Variants in EPN3 observed in about 807,000 individuals in gnomAD.
EPN3 encodes epsin-3.
In EPN3, 56 loss-of-function variants were observed where a neutral mutation model predicts 55.5. The observed-to-expected ratio is 1.01, with a 90% confidence interval of 0.81 to 1.26. EPN3 has a LOEUF of 1.26. Among genes scored for constraint, EPN3 ranks in the 50% most tolerant of loss-of-function variants. The pLI, the probability that EPN3 is intolerant of heterozygous loss-of-function variation, is 0.00. For synonymous variants in EPN3, 449 were observed against 375.2 expected (o/e 1.20, Z -2.27); for missense variants, 927 against 853.4 (o/e 1.09, Z -1.07).
At chr17:50,533,158 C>G (rs2034699816) in intron 1 of EPN3, among the ~76,000 whole-genome samples, 173 bp downstream of exon 1, 2 of 152,066 alleles carry the variant, frequency 1.3e-5, no homozygotes, top group Admixed American at 1.3e-4. Context: ...CTGCCGCCCC[C>G]AAAAAGGGAC....
intron 6 of EPN3, 136 bp downstream of exon 6, chr17:50,540,470 C>T (rs998892814): frequency 3.5e-5 from 27 of 781,580 alleles, no homozygotes; most frequent in African/African-American, 2.4e-4. Flanking sequence ...GAGCCTCCGC[C>T]GCCTGTGGGA....
Position 50,536,935 on chromosome 17 carries a change from G to A in EPN3, c.379G>A (p.Val127Ile). The A allele has an allele frequency of 6.2e-7, 1 of 1,614,154 alleles. No homozygotes were observed. The highest frequency in any genetic ancestry group is 8.5e-7 in the Non-Finnish European group (1 of 1,180,044). ...KDQGVNVREK[V>I]KQVMALLKDE... ...CCAGGGCGTCAACGTGCGCGAGAAG[G>A]TCAAGCAGGTGATGGCCCTGCTCAA... Residue 127 changes from valine to isoleucine, a missense_variant, in exon 2 of 10, where the codon GTC becomes ATC. By Grantham distance (29) the Val-to-Ile change is conservative. Transcript: ENST00000268933.
chr17:50,541,500 A>G lies in EPN3; in HGVS notation c.1391A>G (p.Lys464Arg), dbSNP rs1211788779. 6.2e-7 allele frequency: 1 copy of G among 1,614,146 alleles called. No individual in the cohort carries two copies. The highest frequency in any genetic ancestry group is 2.2e-5 in the East Asian group (1 of 44,868). The change falls in exon 9 of 10, where the codon AAG becomes AGG. Residue 464 changes from lysine to arginine, a missense_variant. Coordinates refer to ENST00000268933, the MANE Select transcript of EPN3 (RefSeq NM_017957.3). ...DLFGDPSPSS[K>R]QNGTKEPDAL... ...TTTGGAGACCCCAGCCCCAGTTCCA[A>G]GCAAAATGGCACGAAGGAGCCAGAT...
Position 50,537,120 on chromosome 17 carries a change from T to C in EPN3, c.562+2T>C. 6.3e-7 allele frequency: 1 copy of C among 1,589,012 alleles called. No individual in the cohort carries two copies. The highest frequency in any genetic ancestry group is 8.6e-7 in the Non-Finnish European group (1 of 1,168,658). ...GGGGCTCCCCGTCCTCCTACAACTGTGAGTAAGCCCCGGTGTGTGGCTGGG... is the reference window on the plus strand; with the variant it reads ...GGGGCTCCCCGTCCTCCTACAACTGCGAGTAAGCCCCGGTGTGTGGCTGGG... On this transcript the variant is annotated splice_donor_variant, in intron 2 of 9. Transcript: ENST00000268933. LOFTEE classifies it high-confidence loss of function.
chr17:50,539,095 C>T (rs1185497940), intron 4 of EPN3, 92 bp from the exon 5 acceptor site: 10 of 1,578,088 alleles, frequency 6.3e-6, no homozygotes, highest in Non-Finnish European at 8.6e-6. Flanking sequence ...GCCTCCCACC[C>T]TGCACTCTCT....
At position 50,538,093 on chromosome 17, in the gene EPN3, C is replaced by A. The variant is rs1328465127; in HGVS notation, c.577C>A (p.Pro193Thr). 3 of 1,613,858 alleles carry A rather than the reference C, an allele frequency of 1.9e-6. No individual in the cohort carries two copies. The South Asian group carries it at 3.3e-5, about 18-fold the overall frequency. Residue 193 changes from proline (P) to threonine (T), a missense_variant, in exon 3 of 10, where the codon CCC (proline) becomes ACC (threonine). Transcript: ENST00000268933. ...PSSYNSSSSS[P>T]RYTSDLEQAR... ...GGTCATTGCAGCCTCCTCTTCGTCACCCCGCTATACCTCCGACCTGGAGCA... is the reference window on the plus strand; with the variant it reads ...GGTCATTGCAGCCTCCTCTTCGTCAACCCGCTATACCTCCGACCTGGAGCA...
rs998739014 is a variant in EPN3, at chr17:50,534,432, TC to T, written c.-137+1448del. 5.1e-6 allele frequency: 5 copies of T among 985,342 alleles called. No individual in the cohort carries two copies. In the African/African-American group the frequency reaches 8.7e-5, roughly 17 times the overall value. The allele number at this position is 985,342 out of a possible 1,614,324, so 61.0% of individuals were successfully genotyped here. A position where few individuals can be genotyped will look rare whatever the true frequency, so the allele number is the denominator to read the frequency against. ...GGTGCAGTCACAGTGCCCGACTGGTTCTGCTAGTTCCAGCGGCCAGCCGGTA... is the reference window on the plus strand; with the variant it reads ...GGTGCAGTCACAGTGCCCGACTGGTTTGCTAGTTCCAGCGGCCAGCCGGTA... On this transcript the variant is annotated intron_variant, in intron 1 of 9. Transcript: ENST00000268933.
In EPN3 at chr17:50,541,270, T is replaced by G; in HGVS notation, c.1291T>G (p.Ser431Ala). ...TFDPFAKPPE[S>A]TETKEGLEQA... ...TGACCCATTTGCCAAACCTCCAGAA[T>G]CCACAGAGACCAAGGAGGGGCTGGA... The change falls in exon 8 of 10, where the codon TCC becomes GCC. Residue 431 changes from serine to alanine, a missense_variant. By Grantham distance (99) the Ser-to-Ala change is moderately conservative (BLOSUM62 1). Coordinates refer to ENST00000268933, the MANE Select transcript of EPN3 (RefSeq NM_017957.3). The G allele has an allele frequency of 6.2e-7, 1 of 1,613,462 alleles. No homozygotes were observed. The highest frequency in any genetic ancestry group is 8.5e-7 in the Non-Finnish European group (1 of 1,179,974).
chr17:50,536,594 T>A lies in EPN3; in HGVS notation c.38T>A (p.Ile13Asn). Residue 13 changes from isoleucine to asparagine, a missense_variant, in exon 2 of 10, where the codon ATC becomes AAC. By Grantham distance (149) the Ile-to-Asn change is moderately radical. Transcript: ENST00000268933. Reference protein sequence around the residue: ...TSALRRQVKNIVHNYSEAEIK... With the variant: ...TSALRRQVKNNVHNYSEAEIK... ...GCACTCCGGCGCCAGGTGAAGAACA[T>A]CGTGCACAACTACTCCGAGGCAGAA... 2 of 1,613,904 alleles carry A rather than the reference T, an allele frequency of 1.2e-6. No individual in the cohort carries two copies. Among genetic ancestry groups the A allele is most frequent in the Non-Finnish European group, 1.7e-6 (2 of 1,180,004 alleles).
rs1179027504 is a variant in EPN3, at chr17:50,538,444, G to A, written c.681+247G>A. ...TTAGGGGCACATGCTATGTCTTGGG[G>A]TGCCTGCTACCACCTCATGGTGGAG... On this transcript the variant is annotated intron_variant, in intron 3 of 9. Coordinates refer to ENST00000268933, the MANE Select transcript of EPN3 (RefSeq NM_017957.3). The A allele has an allele frequency of 1.1e-5, 6 of 538,074 alleles. No individual in the cohort carries two copies. In the East Asian group the frequency reaches 1.2e-4, roughly 11 times the overall value. The allele number at this position is 538,074 out of a possible 1,614,324, so 33.3% of individuals were successfully genotyped here.
chr17:50,541,446 C>T lies in EPN3; in HGVS notation c.1355-18C>T, dbSNP rs2034847642. 1 of 1,612,992 alleles carries T rather than the reference C, an allele frequency of 6.2e-7. No homozygotes were observed. Among genetic ancestry groups the T allele is most frequent in the African/African-American group, 1.3e-5 (1 of 74,886 alleles). On this transcript the variant is annotated intron_variant, in intron 8 of 9. Coordinates refer to ENST00000268933, the MANE Select transcript of EPN3 (RefSeq NM_017957.3). The stretch of plus-strand genomic sequence containing the variant: ...CAATCCCTTTCCCCACCAATTAGCT[C>T]TAGCATTTCTATTCCAGAGCTGGAC...
intron 1 of EPN3, among the ~76,000 whole-genome samples, chr17:50,533,383 A>G (rs2034705365): frequency 6.6e-6 from 1 of 152,108 alleles, no homozygotes; most frequent in African/African-American, 2.4e-5. Flanking sequence ...TTAGAGTTCA[A>G]GCTCACCCCC....
At chr17:50,537,210 C>G (rs2034777464) in intron 2 of EPN3, 92 bp downstream of exon 2, 2 of 1,264,830 alleles carry the variant, frequency 1.6e-6, no homozygotes, top group Non-Finnish European at 2.1e-6. Context: ...TAATACCTAC[C>G]TCCGAGGGGT....
chr17:50,537,176 C>A (rs1244053790), intron 2 of EPN3, 58 bp downstream of exon 2: 24 of 1,462,258 alleles, frequency 1.6e-5, no homozygotes, highest in Middle Eastern at 4.8e-4. Context: ...CCATTCCTGG[C>A]TCTGCAATCC....
In EPN3 at chr17:50,542,263, A is replaced by AGTGGCGGCTGGTATCCC; in HGVS notation, c.*108_*124dup. 1 of 1,245,218 alleles carries AGTGGCGGCTGGTATCCC rather than the reference A, an allele frequency of 8.0e-7. No homozygotes were observed. The highest frequency in any genetic ancestry group is 1.6e-5 in the African/African-American group (1 of 62,596). The allele number at this position is 1,245,218 out of a possible 1,614,324, so 77.1% of individuals were successfully genotyped here. A position where few individuals can be genotyped will look rare whatever the true frequency, so the allele number is the denominator to read the frequency against. ...GCCGGTGCTAGTGGAACGCCGAGCC[A>AGTGGCGGCTGGTATCCC]GTGGCGGCTGGTATCCCGCGGCGGC... On this transcript the variant is annotated 3_prime_UTR_variant, in exon 10 of 10. Transcript: ENST00000268933.
At position 50,542,137 on chromosome 17, in the gene EPN3, G is replaced by C. The variant is rs775428238; in HGVS notation, c.1879G>C (p.Gly627Arg). 9 of 1,514,010 alleles carry C rather than the reference G, an allele frequency of 5.9e-6. No homozygotes were observed. The Admixed American group carries it at 6.2e-5, about 10-fold the overall frequency. 93.8% of individuals were successfully genotyped at this position (1,514,010 alleles called of 1,614,324 possible). A position where few individuals can be genotyped will look rare whatever the true frequency, so the allele number is the denominator to read the frequency against. ...AGPRPPPPQT[G>R]TNPFL ...GCCGCGGCCCCCGCCCCCGCAGACC[G>C]GCACCAACCCCTTCCTCTGAGCCCC... Residue 627 changes from glycine (G) to arginine (R), a missense_variant, in exon 10 of 10, where the codon GGC (glycine) becomes CGC (arginine). Coordinates refer to ENST00000268933, the MANE Select transcript of EPN3 (RefSeq NM_017957.3).
Position 50,540,256 on chromosome 17 carries a change from C to G in EPN3, c.901C>G (p.Leu301Val). 6.2e-7 allele frequency: 1 copy of G among 1,612,416 alleles called. No homozygotes were observed. The highest frequency in any genetic ancestry group is 8.5e-7 in the Non-Finnish European group (1 of 1,179,928). The change falls in exon 6 of 10, where the codon CTG becomes GTG. Residue 301 changes from leucine (L) to valine (V), a missense_variant. By Grantham distance (32) the Leu-to-Val change is conservative. Transcript: ENST00000268933. ...EKLKTSQSSI[L>V]DLADIFVPAL... Reference sequence around the variant, plus strand: ...CCTCTCCCCTCCACAGTCCTCCATCCTGGACTTGGCTGACATCTTCGTACC... The same window carrying G: ...CCTCTCCCCTCCACAGTCCTCCATCGTGGACTTGGCTGACATCTTCGTACC...
chr17:50,533,061 T>G, intron 1 of EPN3, 76 bp downstream of exon 1: 2 of 953,314 alleles, frequency 2.1e-6, no homozygotes, highest in Non-Finnish European at 1.4e-6. Context: ...AAACAGTGGT[T>G]CTGGGGCTTA....
rs1340607606 is a variant in EPN3 at position 50,536,785 on chromosome 17, G to A, written c.229G>A (p.Ala77Thr). Reference sequence around the variant, plus strand: ...CAAGAACTGGCGGCACGTGTACAAGGCTCTAACATTGCTGGACTACCTGCT... The same window carrying A: ...CAAGAACTGGCGGCACGTGTACAAGACTCTAACATTGCTGGACTACCTGCT... Reference protein sequence around the residue: ...SGKNWRHVYKALTLLDYLLKT... With the variant: ...SGKNWRHVYKTLTLLDYLLKT... Residue 77 changes from alanine (A) to threonine (T), a missense_variant, in exon 2 of 10, where the codon GCT becomes ACT. Physicochemically the swap from Ala to Thr is moderately conservative, Grantham distance 58. Coordinates refer to ENST00000268933, the MANE Select transcript of EPN3 (RefSeq NM_017957.3). The A allele has an allele frequency of 1.2e-6, 2 of 1,614,164 alleles. No homozygotes were observed. Among genetic ancestry groups the A allele is most frequent in the Admixed American group, 3.3e-5 (2 of 60,018 alleles).
Sources: allele counts gnomAD v4.1 joint callset (sites outside exome capture counted in the v4.1 genomes callset), GRCh38; gene constraint gnomAD v4.1.1; transcripts MANE v1.5; gene names NCBI Gene and HGNC (gene_info 2026-07-23, HGNC 2026-07-21).